The following CTNNA3 variants were observed in gnomAD, a reference collection of about 807,000 sequenced individuals.
The protein encoded by CTNNA3 is catenin alpha-3.
In CTNNA3, 76 loss-of-function variants were observed where a neutral mutation model predicts 95.7. The ratio of observed to expected loss-of-function variants is 0.79; its 90% CI spans 0.66 to 0.96. CTNNA3 has a LOEUF of 0.96. CTNNA3 is among the 40% of genes least tolerant of loss of function. CTNNA3 has a pLI of 0.00. For missense variants in CTNNA3, 1,191 were observed against 1,089.8 expected (o/e 1.09, Z -1.31); for synonymous variants, 431 against 374.4 (o/e 1.15, Z -1.74).
intron 12 of CTNNA3, among the ~76,000 whole-genome samples, chr10:66,311,567 T>C (rs1432166253): frequency 6.6e-6 from 1 of 152,178 alleles, no homozygotes; most frequent in Non-Finnish European, 1.5e-5. Context: ...CTTCACTTAG[T>C]ACAGTGACAG....
chr10:66,661,897 G>A (rs573763244), intron 9 of CTNNA3, among the ~76,000 whole-genome samples: 41 of 152,150 alleles, frequency 2.7e-4, no homozygotes, highest in Admixed American at 2.2e-3. Flanking sequence ...TTAAACAGTC[G>A]AATCAACGTA....
At chr10:66,258,902 A>C (rs181180322) in intron 13 of CTNNA3, among the ~76,000 whole-genome samples, 1 of 152,316 alleles carries the variant, frequency 6.6e-6, no homozygotes, top group Non-Finnish European at 1.5e-5. Flanking sequence ...GAATGCGGAA[A>C]AAGAGAAGTG....
chr10:67,560,794 T>G (rs1169282136), intron 3 of CTNNA3, among the ~76,000 whole-genome samples: 1 of 151,782 alleles, frequency 6.6e-6, no homozygotes, highest in East Asian at 1.9e-4. Flanking sequence ...TGGAGGAAGA[T>G]CTACCAAGCA....
At chr10:66,922,814 A>AT (rs1383232296) in intron 7 of CTNNA3, among the ~76,000 whole-genome samples, 2 of 151,750 alleles carry the variant, frequency 1.3e-5, no homozygotes, top group African/African-American at 4.8e-5. Flanking sequence ...TTTTTATTTT[A>AT]TTTTTTATTT....
chr10:66,071,810 T>G (rs2133608279), intron 14 of CTNNA3, among the ~76,000 whole-genome samples: 1 of 152,298 alleles, frequency 6.6e-6, no homozygotes, highest in Admixed American at 6.5e-5. Context: ...CAACCATTAC[T>G]TACACAAATA....
In CTNNA3 at chr10:67,193,123, G is replaced by A. The variant is rs140908100; in HGVS notation, c.844-12603C>T. Among the ~76,000 whole-genome samples the A allele has an allele frequency of 2.0e-5, 3 of 152,030 alleles. No individual in the cohort carries two copies. In the East Asian group the frequency reaches 5.8e-4, roughly 29 times the overall value. ...CACAGATGAGAGGGTGTGGGAAATG[G>A]GGAGATGTTGACCAGTGGGGGCAAA... On this transcript the variant is annotated intron_variant, in intron 6 of 17. Coordinates refer to ENST00000433211, the MANE Select transcript of CTNNA3 (RefSeq NM_013266.4).
intron 7 of CTNNA3, among the ~76,000 whole-genome samples, chr10:66,813,434 C>T (rs546377713): frequency 2.6e-5 from 4 of 152,288 alleles, no homozygotes; most frequent in African/African-American, 9.6e-5. Flanking sequence ...TTGTCAGCCA[C>T]CTGATTTTCC....
intron 7 of CTNNA3, among the ~76,000 whole-genome samples, chr10:67,113,019 C>T (rs1424977186): frequency 1.3e-5 from 2 of 152,100 alleles, no homozygotes; most frequent in East Asian, 3.9e-4. Context: ...GCTCAGAAAC[C>T]CAGAACTGGG....
intron 15 of CTNNA3, among the ~76,000 whole-genome samples, chr10:66,045,262 A>G: frequency 6.6e-6 from 1 of 152,208 alleles, no homozygotes; most frequent in East Asian, 1.9e-4. Context: ...AAACTACTCT[A>G]TACTGGGAGG....
rs190619444 is a variant in CTNNA3, at chr10:67,604,712, T to C, written c.292+2145A>G. On this transcript the variant is annotated intron_variant, in intron 3 of 17. Coordinates refer to ENST00000433211, the MANE Select transcript of CTNNA3 (RefSeq NM_013266.4). Reference sequence around the variant, plus strand: ...CCTAAAATAAAAGTTTTAGAAAAGTTTTTAAAAGTTCATTGAACTTAGACA... The same window carrying C: ...CCTAAAATAAAAGTTTTAGAAAAGTCTTTAAAAGTTCATTGAACTTAGACA... Among the ~76,000 whole-genome samples, 135 of 152,234 alleles carry C rather than the reference T, an allele frequency of 8.9e-4. No individual in the cohort carries two copies. In the East Asian group the frequency reaches 0.021, roughly 23 times the overall value.
chr10:67,639,878 T>C (rs1276669496), intron 2 of CTNNA3, among the ~76,000 whole-genome samples: 3 of 152,218 alleles, frequency 2.0e-5, no homozygotes, highest in Non-Finnish European at 4.4e-5. Flanking sequence ...GAGCTATTTA[T>C]GACCAACCGA....
chr10:67,189,921 A>G (rs1863042488), intron 6 of CTNNA3, among the ~76,000 whole-genome samples: 1 of 152,190 alleles, frequency 6.6e-6, no homozygotes, highest in Non-Finnish European at 1.5e-5. Context: ...ATATTTTAAA[A>G]TACAAAAGAT....
chr10:66,020,741 C>A (rs1488140653), intron 15 of CTNNA3, among the ~76,000 whole-genome samples: 9 of 148,832 alleles, frequency 6.0e-5, no homozygotes, highest in African/African-American at 2.2e-4. Flanking sequence ...GATCTCTGCT[C>A]ACTCACTGCA....
At chr10:66,757,827 T>A (rs1159913376) in intron 9 of CTNNA3, among the ~76,000 whole-genome samples, 1 of 152,190 alleles carries the variant, frequency 6.6e-6, no homozygotes, top group African/African-American at 2.4e-5. Flanking sequence ...TGAGCTGATA[T>A]CTACTTTTCC....
intron 5 of CTNNA3, among the ~76,000 whole-genome samples, chr10:67,472,012 A>G (rs76958557): frequency 0.017 from 2,590 of 152,330 alleles, 77 homozygotes; most frequent in African/African-American, 0.057. Flanking sequence ...AATCGTACCA[A>G]AAATTATAAC....
At chr10:67,715,126 C>T (rs1450175672) in intron 1 of CTNNA3, among the ~76,000 whole-genome samples, 2 of 152,150 alleles carry the variant, frequency 1.3e-5, no homozygotes, top group African/African-American at 4.8e-5. Context: ...ATTTCTGGCA[C>T]TTGGACAATA....
intron 12 of CTNNA3, among the ~76,000 whole-genome samples, chr10:66,350,705 C>A (rs2092560694): frequency 6.6e-6 from 1 of 151,670 alleles, no homozygotes; most frequent in Non-Finnish European, 1.5e-5. Flanking sequence ...GAATCAATGT[C>A]ATCTCAAGAG....
chr10:66,638,332 C>T (rs1427728263), intron 9 of CTNNA3, among the ~76,000 whole-genome samples: 1 of 152,114 alleles, frequency 6.6e-6, no homozygotes, highest in Non-Finnish European at 1.5e-5. Context: ...TTTCCTCTTT[C>T]CCAGCACATT....
intron 5 of CTNNA3, among the ~76,000 whole-genome samples, chr10:67,382,985 A>G (rs1844005590): frequency 6.6e-6 from 1 of 152,110 alleles, no homozygotes; most frequent in African/African-American, 2.4e-5. Context: ...CACCTCCAAC[A>G]TTGGAGGTCA....
Sources: allele counts gnomAD v4.1 joint callset (sites outside exome capture counted in the v4.1 genomes callset), GRCh38; gene constraint gnomAD v4.1.1; transcripts MANE v1.5; gene names NCBI Gene and HGNC (gene_info 2026-07-23, HGNC 2026-07-21).